The following VTI1A variants were observed in gnomAD, a reference collection of about 807,000 sequenced individuals.
The protein encoded by VTI1A is vesicle transport through interaction with t-SNAREs homolog 1A.
Under a neutral mutation model 34.9 loss-of-function variants are expected in VTI1A, and 22 were observed. The observed-to-expected ratio is 0.63, with a 90% CI of 0.45 to 0.90. VTI1A has a LOEUF of 0.90. Among genes scored for constraint, VTI1A ranks in the 40% least tolerant of loss-of-function variants. The pLI, the probability that VTI1A is intolerant of heterozygous loss-of-function variation, is 0.00. For synonymous variants in VTI1A, 87 were observed against 97.3 expected, an observed-to-expected ratio of 0.89 and a Z score of 0.62; for missense variants, 268 against 275.6, an observed-to-expected ratio of 0.97 and a Z score of 0.20.
chr10:112,542,299 C>T (rs1311106028), intron 5 of VTI1A, among the ~76,000 whole-genome samples: 1 of 152,126 alleles, frequency 6.6e-6, no homozygotes. Context: ...ACTGTCCCAC[C>T]GGTACTGTAG....
chr10:112,601,216 G>A (rs776586534), intron 5 of VTI1A, among the ~76,000 whole-genome samples: 1 of 151,948 alleles, frequency 6.6e-6, no homozygotes, highest in African/African-American at 2.4e-5. Flanking sequence ...TGGGTGAAAG[G>A]AACTGCTTAA....
At chr10:112,668,439 A>C in intron 6 of VTI1A, 151 bp downstream of exon 6, 1 of 782,910 alleles carries the variant, frequency 1.3e-6, no homozygotes, top group Non-Finnish European at 2.0e-6. Context: ...GAAGAGGGTG[A>C]GATGGAGCAA....
At chr10:112,483,667 C>T (rs140759675) in intron 3 of VTI1A, among the ~76,000 whole-genome samples, 206 of 152,218 alleles carry the variant, frequency 1.4e-3, no homozygotes, top group African/African-American at 4.7e-3. Flanking sequence ...CCACCCCAAC[C>T]CCAGTCATGG....
At chr10:112,540,104 G>T (rs557956823) in intron 5 of VTI1A, among the ~76,000 whole-genome samples, 18 of 152,228 alleles carry the variant, frequency 1.2e-4, no homozygotes, top group African/African-American at 4.3e-4. Flanking sequence ...GCTTGCTTTG[G>T]TTGATTGGGC....
chr10:112,520,645 G>GTATATATATATA (rs1214811424), intron 3 of VTI1A, among the ~76,000 whole-genome samples: 5 of 111,140 alleles, frequency 4.5e-5, no homozygotes, highest in Admixed American at 1.8e-4. Flanking sequence ...GTGTGTGTGT[G>GTATATATATATA]TGTATATATA....
chr10:112,699,781 T>C (rs1848927923), intron 7 of VTI1A, among the ~76,000 whole-genome samples: 1 of 146,040 alleles, frequency 6.8e-6, no homozygotes, highest in African/African-American at 2.6e-5. Context: ...TAAGCTGAGA[T>C]CGCGCCATTG....
chr10:112,846,894 G>T, the VTI1A span, among the ~76,000 whole-genome samples: 1 of 152,190 alleles, frequency 6.6e-6, no homozygotes, highest in African/African-American at 2.4e-5. Context: ...GTCTAACTTG[G>T]AAGAGACCCA....
intron 7 of VTI1A, among the ~76,000 whole-genome samples, chr10:112,810,533 G>T (rs1368138540): frequency 6.6e-6 from 1 of 152,146 alleles, no homozygotes; most frequent in South Asian, 2.1e-4. Flanking sequence ...GCCTGCAGTG[G>T]ATCCAGCCTG....
At chr10:112,716,260 C>T (rs574900422) in intron 7 of VTI1A, among the ~76,000 whole-genome samples, 3 of 152,190 alleles carry the variant, frequency 2.0e-5, no homozygotes, top group East Asian at 3.9e-4. Flanking sequence ...CATGGAGACA[C>T]TGTCACCAGT....
chr10:112,618,781 T>C (rs1845620698), intron 5 of VTI1A, among the ~76,000 whole-genome samples: 1 of 151,920 alleles, frequency 6.6e-6, no homozygotes, highest in Admixed American at 6.5e-5. Context: ...TATCTAATTA[T>C]TGAATATTAT....
intron 7 of VTI1A, among the ~76,000 whole-genome samples, chr10:112,759,413 A>G (rs563492995): frequency 1.4e-4 from 21 of 152,328 alleles, no homozygotes; most frequent in African/African-American, 5.1e-4. Flanking sequence ...CTGTTGAAGT[A>G]TCATGTTTTG....
chr10:112,760,143 C>T (rs940519599), intron 7 of VTI1A, among the ~76,000 whole-genome samples: 3 of 152,160 alleles, frequency 2.0e-5, no homozygotes, highest in Non-Finnish European at 4.4e-5. Flanking sequence ...CAATTTCAAA[C>T]ACAGTAGTTC....
chr10:112,794,931 AT>A (rs1331001391), intron 7 of VTI1A, among the ~76,000 whole-genome samples: 1 of 152,244 alleles, frequency 6.6e-6, no homozygotes, highest in Non-Finnish European at 1.5e-5. Context: ...CACCGATATT[AT>A]ATGAAATATT....
At position 112,818,523 on chromosome 10, in the gene VTI1A, C is replaced by G. The variant is rs1396229085; in HGVS notation, c.*3140C>G. 4.4e-6 allele frequency: 1 copy of G among 226,826 alleles called. No individual in the cohort carries two copies. The highest frequency in any genetic ancestry group is 8.8e-6 in the Non-Finnish European group (1 of 113,798). The allele number at this position is 226,826 out of a possible 1,614,324, so 14.1% of individuals were successfully genotyped here. On this transcript the variant is annotated 3_prime_UTR_variant, in exon 8 of 8. Transcript: ENST00000393077. ...GTATTTCAAATCCGAGGAAAACAGC[C>G]TGCCTGCTGCTGTATTTGAAGTTGT...
intron 7 of VTI1A, among the ~76,000 whole-genome samples, chr10:112,705,478 A>G (rs1336837379): frequency 6.6e-6 from 1 of 152,062 alleles, no homozygotes; most frequent in East Asian, 1.9e-4. Flanking sequence ...ACTGTCCCAG[A>G]AGAACCAAAG....
intron 5 of VTI1A, chr10:112,538,586 T>C (rs1850741871): frequency 2.6e-6 from 1 of 382,544 alleles, no homozygotes; most frequent in Non-Finnish European, 4.7e-6. Context: ...AAATTCTACA[T>C]TTGTCTTAAT....
chr10:112,840,147 G>A, the VTI1A span, among the ~76,000 whole-genome samples: 29 of 152,106 alleles, frequency 1.9e-4, no homozygotes, highest in African/African-American at 6.8e-4. Context: ...CTGGAATGAC[G>A]GGAAGCCAGG....
At chr10:112,561,276 T>C (rs1851717979) in intron 5 of VTI1A, among the ~76,000 whole-genome samples, 1 of 152,206 alleles carries the variant, frequency 6.6e-6, no homozygotes, top group Non-Finnish European at 1.5e-5. Flanking sequence ...TTGTTTCTTT[T>C]CCACTGTTTA....
intron 5 of VTI1A, among the ~76,000 whole-genome samples, chr10:112,651,250 A>T (rs2133801326): frequency 6.6e-6 from 1 of 152,330 alleles, no homozygotes; most frequent in Non-Finnish European, 1.5e-5. Context: ...AAAATAGTTT[A>T]TAATATCTCA....
Sources: allele counts gnomAD v4.1 joint callset (sites outside exome capture counted in the v4.1 genomes callset), GRCh38; gene constraint gnomAD v4.1.1; transcripts MANE v1.5; gene names NCBI Gene and HGNC (gene_info 2026-07-23, HGNC 2026-07-21).